The following SLC2A13 variants were observed in gnomAD, a reference collection of about 807,000 sequenced individuals.
SLC2A13 encodes the protein solute carrier family 2 member 13, also known as proton myo-inositol cotransporter.
A neutral mutation model predicts 64.4 loss-of-function variants in SLC2A13; 32 were observed. That is an observed-to-expected ratio of 0.50 (90% confidence interval 0.37 to 0.67). The LOEUF is 0.67. SLC2A13 is among the 30% of genes least tolerant of loss of function. The pLI, the probability that SLC2A13 is intolerant of heterozygous loss-of-function variation, is 0.00. For missense variants in SLC2A13, 743 were observed against 829.2 expected (o/e 0.90, Z 1.28); for synonymous variants, 338 against 327.1 (o/e 1.03, Z -0.36).
At chr12:39,887,641 T>G (rs1016756374) in intron 4 of SLC2A13, among the ~76,000 whole-genome samples, 8 of 152,338 alleles carry the variant, frequency 5.3e-5, no homozygotes, top group African/African-American at 1.4e-4. Flanking sequence ...CAGCTTCTTC[T>G]ATTCCAGTGA....
intron 5 of SLC2A13, among the ~76,000 whole-genome samples, chr12:39,868,918 TTTAA>T (rs1225182543): frequency 4.6e-5 from 7 of 152,328 alleles, no homozygotes; most frequent in African/African-American, 1.4e-4. Context: ...TTGTAATCAT[TTTAA>T]AAGAATGAAT....
chr12:39,858,135 G>A (rs1278280208), intron 6 of SLC2A13, among the ~76,000 whole-genome samples: 2 of 152,168 alleles, frequency 1.3e-5, no homozygotes, highest in East Asian at 3.9e-4. Context: ...TCCATGACAG[G>A]TGGACAGAAT....
chr12:40,097,687 T>C (rs892264702), intron 1 of SLC2A13, among the ~76,000 whole-genome samples: 1 of 152,196 alleles, frequency 6.6e-6, no homozygotes, highest in Admixed American at 6.5e-5. Context: ...TATCACTTCA[T>C]ATCCATTAGG....
intron 3 of SLC2A13, among the ~76,000 whole-genome samples, chr12:40,016,756 AATTAATTCT>A (rs1273603013): frequency 7.2e-5 from 11 of 152,348 alleles, no homozygotes; most frequent in African/African-American, 2.6e-4. Context: ...TCTCCTTCAA[AATTAATTCT>A]AAGATAATAA....
chr12:39,821,712 C>CT (rs1259239685), intron 7 of SLC2A13, among the ~76,000 whole-genome samples: 2 of 152,146 alleles, frequency 1.3e-5, no homozygotes, highest in Non-Finnish European at 2.9e-5. Flanking sequence ...AACTCCATGC[C>CT]TTAAAGCTTT....
At chr12:39,925,118 G>A (rs1452070584) in intron 4 of SLC2A13, among the ~76,000 whole-genome samples, 1 of 143,334 alleles carries the variant, frequency 7.0e-6, no homozygotes, top group East Asian at 2.0e-4. Flanking sequence ...TCGCTCACTC[G>A]ATCTCCTGAG....
At chr12:40,053,174 C>A (rs1948286187) in intron 1 of SLC2A13, among the ~76,000 whole-genome samples, 1 of 149,868 alleles carries the variant, frequency 6.7e-6, no homozygotes, top group Non-Finnish European at 1.5e-5. Context: ...CCCAGCCACT[C>A]TGGAGGCTGA....
chr12:40,077,834 T>C lies in SLC2A13; in HGVS notation c.556+27419A>G, dbSNP rs17518343. On this transcript the variant is annotated intron_variant, in intron 1 of 9. Transcript: ENST00000280871. ...TGTTCTCTTCAACTTCCTTTAGCAG[T>C]GTGTGGTAATTCTCATTGCACAGAT... Among the ~76,000 whole-genome samples, 1,154 of 152,332 alleles carry C rather than the reference T, an allele frequency of 7.6e-3. 14 individuals carry two copies. The highest frequency in any genetic ancestry group is 0.026 in the African/African-American group (1,092 of 41,584).
intron 4 of SLC2A13, among the ~76,000 whole-genome samples, chr12:39,911,601 C>T (rs2136041488): frequency 6.6e-6 from 1 of 152,074 alleles, no homozygotes; most frequent in African/African-American, 2.4e-5. Flanking sequence ...AGTACAGTAC[C>T]CCAAATTCAC....
chr12:39,829,191 A>G (rs1436570333), intron 7 of SLC2A13, among the ~76,000 whole-genome samples: 1 of 151,918 alleles, frequency 6.6e-6, no homozygotes, highest in Non-Finnish European at 1.5e-5. Flanking sequence ...ATAAATCTGG[A>G]GAATATTTAT....
chr12:40,018,132 A>G (rs1225821161), intron 3 of SLC2A13, among the ~76,000 whole-genome samples: 1 of 152,244 alleles, frequency 6.6e-6, no homozygotes, highest in African/African-American at 2.4e-5. Context: ...CATGGGCCAA[A>G]TCTGGCCGGC....
chr12:39,830,090 A>G lies in SLC2A13; in HGVS notation c.1445+13T>C, dbSNP rs1159887917. On this transcript the variant is annotated intron_variant, in intron 7 of 9. Coordinates refer to ENST00000280871, the MANE Select transcript of SLC2A13 (RefSeq NM_052885.4). Reference sequence around the variant, plus strand: ...TATTATTATATATTCGTATGGTAAAATGAGTGATATACCTGCCCCAGGCTG... The same window carrying G: ...TATTATTATATATTCGTATGGTAAAGTGAGTGATATACCTGCCCCAGGCTG... 1.9e-6 allele frequency: 3 copies of G among 1,613,382 alleles called. No homozygotes were observed. Among genetic ancestry groups the G allele is most frequent in the Non-Finnish European group, 8.5e-7 (1 of 1,179,590 alleles).
chr12:40,010,426 C>G (rs963269835), intron 3 of SLC2A13, among the ~76,000 whole-genome samples: 7 of 152,064 alleles, frequency 4.6e-5, no homozygotes, highest in African/African-American at 1.7e-4. Flanking sequence ...ATTCTTCCAT[C>G]TTGTGATGTA....
chr12:40,071,169 A>G (rs1435905449), intron 1 of SLC2A13, among the ~76,000 whole-genome samples: 1 of 152,132 alleles, frequency 6.6e-6, no homozygotes. Flanking sequence ...TGTCTCACTG[A>G]TCTACGCGTG....
At chr12:39,835,553 T>G (rs1197761898) in intron 6 of SLC2A13, 1 of 152,140 alleles carries the variant, frequency 6.6e-6, no homozygotes, top group Non-Finnish European at 1.5e-5. Context: ...TGATACACAG[T>G]TTAAATTTCA....
At chr12:40,013,657 C>T (rs28370656) in intron 3 of SLC2A13, among the ~76,000 whole-genome samples, 17,714 of 152,216 alleles carry the variant, frequency 0.12, 1,396 homozygotes, top group Middle Eastern at 0.18. Context: ...CACTCAGACA[C>T]TATATATATT....
chr12:39,866,640 C>A (rs1395717996), intron 5 of SLC2A13, among the ~76,000 whole-genome samples: 1 of 152,190 alleles, frequency 6.6e-6, no homozygotes, highest in East Asian at 1.9e-4. Flanking sequence ...CCACCTCGCC[C>A]GGCTAATTTT....
intron 2 of SLC2A13, among the ~76,000 whole-genome samples, chr12:40,043,883 T>A (rs1446988786): frequency 6.6e-6 from 1 of 152,140 alleles, no homozygotes; most frequent in Non-Finnish European, 1.5e-5. Context: ...GAAACCCTCA[T>A]ACGTTGCTTG....
Position 39,769,761 on chromosome 12 carries a change from C to G in SLC2A13, c.1446-4903G>C, listed in dbSNP as rs144670653. On this transcript the variant is annotated intron_variant, in intron 7 of 9. Transcript: ENST00000280871. ...ATCTCTCTTACTCAAATGTTCAACT[C>G]CTCTCATATTACCACAACTAGCTCT... is the stretch of plus-strand genomic sequence containing the variant. 4.5e-4 allele frequency among the ~76,000 whole-genome samples: 67 copies of G among 148,886 alleles called. No homozygotes were observed. The East Asian group carries it at 0.012, about 26-fold the overall frequency.
Sources: gnomAD v4.1 joint callset for allele counts (sites outside exome capture counted in the v4.1 genomes callset) on GRCh38, gnomAD v4.1.1 for gene constraint, MANE v1.5 for transcripts, NCBI Gene and HGNC (gene_info 2026-07-23, HGNC 2026-07-21) for gene names.